ZNF423: variants seen among roughly 807,000 people sequenced by gnomAD.
The protein encoded by ZNF423 is zinc finger protein 423.
In ZNF423, 12 loss-of-function variants were observed where a neutral mutation model predicts 95.8. That is an observed-to-expected ratio of 0.13 (90% CI 0.08 to 0.20). The LOEUF is 0.20. ZNF423 is among the 10% of genes least tolerant of loss of function. ZNF423 has a pLI of 1.00. For synonymous variants in ZNF423, 749 were observed against 711.9 expected, an observed-to-expected ratio of 1.05 and a Z score of -0.83; for missense variants, 1,316 against 1,737.1, an observed-to-expected ratio of 0.76 and a Z score of 4.31.
chr16:49,748,971 G>A (rs1045959767), intron 2 of ZNF423, among the ~76,000 whole-genome samples: 10 of 152,312 alleles, frequency 6.6e-5, no homozygotes, highest in Admixed American at 2.6e-4. Flanking sequence ...AAAGACCAGC[G>A]TGACCACAGG....
intron 7 of ZNF423, among the ~76,000 whole-genome samples, chr16:49,493,988 C>G (rs1967065102): frequency 6.6e-6 from 1 of 152,204 alleles, no homozygotes; most frequent in Non-Finnish European, 1.5e-5. Flanking sequence ...CCAAGGACCA[C>G]CCACTACCAA....
chr16:49,679,310 C>T (rs763769226), intron 3 of ZNF423, among the ~76,000 whole-genome samples: 1 of 152,238 alleles, frequency 6.6e-6, no homozygotes, highest in Non-Finnish European at 1.5e-5. Context: ...GGTGGGATCT[C>T]TGCCCCCTTC....
upstream of ZNF423, among the ~76,000 whole-genome samples, chr16:49,859,014 G>T (rs1340377750): frequency 6.6e-6 from 1 of 152,304 alleles, no homozygotes; most frequent in East Asian, 1.9e-4. Flanking sequence ...CCCCCAGCTC[G>T]CCCGCCCAGG....
At chr16:49,770,573 G>GC (rs754599358) in intron 2 of ZNF423, among the ~76,000 whole-genome samples, 189 of 151,860 alleles carry the variant, frequency 1.2e-3, no homozygotes, top group African/African-American at 4.0e-3. Context: ...GAAAGGACAG[G>GC]CCCCCCCAGA....
At chr16:49,725,871 C>T (rs2032999538) in intron 3 of ZNF423, among the ~76,000 whole-genome samples, 1 of 152,318 alleles carries the variant, frequency 6.6e-6, no homozygotes, top group Non-Finnish European at 1.5e-5. Context: ...CTCTCTAGGG[C>T]CCGCCAGGAG....
intron 5 of ZNF423, among the ~76,000 whole-genome samples, chr16:49,588,882 T>C (rs1258069324): frequency 1.3e-5 from 2 of 152,262 alleles, no homozygotes; most frequent in African/African-American, 2.4e-5. Context: ...GAATGATTCA[T>C]GCATGCAACT....
intron 3 of ZNF423, among the ~76,000 whole-genome samples, chr16:49,681,088 A>G (rs2151937253): frequency 6.6e-6 from 1 of 152,342 alleles, no homozygotes; most frequent in South Asian, 2.1e-4. Flanking sequence ...GTAGGAGACC[A>G]ACAGGCTCGC....
At chr16:49,562,677 A>G (rs1970056173) in intron 5 of ZNF423, among the ~76,000 whole-genome samples, 2 of 152,264 alleles carry the variant, frequency 1.3e-5, no homozygotes, top group Admixed American at 1.3e-4. Context: ...GAATCAGACC[A>G]GATGATTTGA....
intron 7 of ZNF423, among the ~76,000 whole-genome samples, chr16:49,515,667 T>C (rs1448833768): frequency 3.9e-5 from 6 of 152,302 alleles, no homozygotes; most frequent in Middle Eastern, 3.4e-3. Context: ...GCCATGAGAA[T>C]TGTCTCTGGT....
intron 3 of ZNF423, among the ~76,000 whole-genome samples, chr16:49,687,804 C>G (rs1458216662): frequency 6.6e-6 from 1 of 152,196 alleles, no homozygotes; most frequent in Non-Finnish European, 1.5e-5. Context: ...TTTCATTTCC[C>G]TCCCTTTTTT....
intron 5 of ZNF423, among the ~76,000 whole-genome samples, chr16:49,583,492 A>G (rs1363520580): frequency 1.3e-5 from 2 of 152,244 alleles, no homozygotes; most frequent in African/African-American, 2.4e-5. Context: ...AAAAATATTA[A>G]GCCTATCAAT....
At position 49,492,661 on chromosome 16, in the gene ZNF423, A is replaced by G. The variant is rs7187956; in HGVS notation, c.3850-1357T>C. On this transcript the variant is annotated intron_variant, in intron 7 of 7. Coordinates refer to ENST00000563137, the MANE Select transcript of ZNF423 (RefSeq NM_001379286.1). This position sits in a 1 kb window ranked among gnomAD's most constrained non-coding sequence, Gnocchi z 4.2. ...CGCCTGCCTCCCAGCAGATGCCCAC[A>G]GCGCCAAGCGACAGCCTCGTGCTCA... Among the ~76,000 whole-genome samples, 61 of 152,302 alleles carry G rather than the reference A, an allele frequency of 4.0e-4. No individual in the cohort carries two copies. The highest frequency in any genetic ancestry group is 1.4e-3 in the African/African-American group (59 of 41,580).
At chr16:49,851,706 ACCTCATGGTTAACCGTTTAGCAGGATT>A (rs1384774259) in intron 1 of ZNF423, among the ~76,000 whole-genome samples, 17 of 152,324 alleles carry the variant, frequency 1.1e-4, no homozygotes, top group African/African-American at 3.8e-4. Context: ...CACGCTAGGC[ACCTCATGGTTAACCGTTTAGCAGGATT>A]CCCCTGCCAG....
intron 2 of ZNF423, among the ~76,000 whole-genome samples, chr16:49,780,841 T>C (rs2034200529): frequency 6.6e-6 from 1 of 152,250 alleles, no homozygotes. Context: ...CATAAGTCTT[T>C]AAAATGCTGG....
At chr16:49,529,075 G>T (rs749329838) in intron 5 of ZNF423, among the ~76,000 whole-genome samples, 3 of 151,912 alleles carry the variant, frequency 2.0e-5, no homozygotes, top group Non-Finnish European at 2.9e-5. Flanking sequence ...CCAGCGTGGG[G>T]ACTGGAGGAT....
intron 3 of ZNF423, among the ~76,000 whole-genome samples, chr16:49,642,696 G>A (rs1253619915): frequency 6.6e-6 from 1 of 152,050 alleles, no homozygotes; most frequent in East Asian, 1.9e-4. Flanking sequence ...ATTTTGCTTT[G>A]GGGGGACTTA....
intron 5 of ZNF423, among the ~76,000 whole-genome samples, chr16:49,563,970 T>G (rs1970100010): frequency 6.6e-6 from 1 of 152,346 alleles, no homozygotes; most frequent in East Asian, 1.9e-4. Flanking sequence ...GCCAGGCCTC[T>G]TCCCAACATA....
chr16:49,548,431 C>A (rs763675832), intron 5 of ZNF423, among the ~76,000 whole-genome samples: 2 of 152,080 alleles, frequency 1.3e-5, no homozygotes, highest in East Asian at 3.8e-4. Context: ...CACTGATAAG[C>A]AACGGCATTA....
intron 7 of ZNF423, among the ~76,000 whole-genome samples, chr16:49,496,765 C>T (rs1192712242): frequency 6.6e-6 from 1 of 152,136 alleles, no homozygotes; most frequent in African/African-American, 2.4e-5. Context: ...TCTTCCTGAC[C>T]CAGCAGGGTG....
Sources: allele counts gnomAD v4.1 joint callset (sites outside exome capture counted in the v4.1 genomes callset), GRCh38; gene constraint gnomAD v4.1.1; non-coding constraint Gnocchi (gnomAD v3.1); transcripts MANE v1.5; gene names NCBI Gene and HGNC (gene_info 2026-07-23, HGNC 2026-07-21).